Variants in CYREN observed in about 807,000 individuals in gnomAD.
CYREN encodes cell cycle regulator of non-homologous end joining.
A neutral mutation model predicts 9.7 loss-of-function variants in CYREN; 7 were observed. The observed-to-expected ratio is 0.72, with a 90% CI of 0.41 to 1.36. The LOEUF (loss-of-function observed/expected upper bound fraction) is 1.36. CYREN is among the 40% of genes most tolerant of loss of function. The pLI is 0.01. For missense variants in CYREN, 215 were observed against 198.1 expected (o/e 1.09, Z -0.51); for synonymous variants, 76 against 77.9 (o/e 0.98, Z 0.13).
At chr7:135,098,086 GACAA>G (rs1320763049) in intron 2 of CYREN, among the ~76,000 whole-genome samples, 5 of 152,136 alleles carry the variant, frequency 3.3e-5, no homozygotes, top group African/African-American at 9.7e-5. Context: ...GGGCCTAAAT[GACAA>G]ACAGTTAGTC....
chr7:135,120,443 A>C lies in CYREN; in HGVS notation n.357-25861T>G, dbSNP rs1185892373. ...ATGTAGTATAATACAGCAACCACTG[A>C]AAAAGCTGTTCAAAGAGATATACTA... On this transcript the variant is annotated intron_variant and non_coding_transcript_variant, in intron 2 of 2. Transcript: ENST00000459937. 2.6e-5 allele frequency among the ~76,000 whole-genome samples: 4 copies of C among 152,226 alleles called. 1 individual carries two copies. Among genetic ancestry groups the C allele is most frequent in the African/African-American group, 9.6e-5 (4 of 41,454 alleles).
intron 2 of CYREN, among the ~76,000 whole-genome samples, chr7:135,121,204 T>C (rs565477417): frequency 1.3e-5 from 2 of 151,794 alleles, no homozygotes; most frequent in Non-Finnish European, 2.9e-5. Flanking sequence ...AAACTCCGTC[T>C]CAAAAAACAA....
intron 2 of CYREN, among the ~76,000 whole-genome samples, chr7:135,126,088 GAGAGGAAGTC>G (rs149588550): frequency 7.7e-4 from 118 of 152,284 alleles, no homozygotes; most frequent in African/African-American, 2.7e-3. Flanking sequence ...CAAACAGGAA[GAGAGGAAGTC>G]AAATGGTCTC....
chr7:135,171,703 C>CGT (rs1562936413), upstream of CYREN, among the ~76,000 whole-genome samples: 5 of 152,186 alleles, frequency 3.3e-5, no homozygotes, highest in African/African-American at 1.2e-4. Flanking sequence ...TCTACAGCTC[C>CGT]GTGTCTGAGA....
chr7:135,128,445 G>T, intron 2 of CYREN: 6 of 691,840 alleles, frequency 8.7e-6, no homozygotes, highest in Non-Finnish European at 1.6e-5. Flanking sequence ...AAAATTAAAT[G>T]TCAGAAGACC....
chr7:135,108,324 T>G (rs1825075813), intron 2 of CYREN, among the ~76,000 whole-genome samples: 1 of 151,954 alleles, frequency 6.6e-6, no homozygotes, highest in Admixed American at 6.6e-5. Flanking sequence ...GTCTACGTAC[T>G]TAAGTGTTTT....
chr7:135,131,209 A>C (rs1828711977), intron 2 of CYREN, among the ~76,000 whole-genome samples: 1 of 152,198 alleles, frequency 6.6e-6, no homozygotes, highest in Non-Finnish European at 1.5e-5. Flanking sequence ...AACTTAATAC[A>C]GGAACAGAAA....
At chr7:135,135,694 GC>G (rs1193325848) in intron 2 of CYREN, 14 of 153,754 alleles carry the variant, frequency 9.1e-5, no homozygotes, top group Admixed American at 9.0e-4. Context: ...TCATTAGTGT[GC>G]TAGGAACCAT....
At chr7:135,108,376 C>T (rs983158648) in intron 2 of CYREN, among the ~76,000 whole-genome samples, 1 of 152,156 alleles carries the variant, frequency 6.6e-6, no homozygotes, top group Non-Finnish European at 1.5e-5. Flanking sequence ...GTGCTCCTTT[C>T]AAGATCTCTT....
chr7:135,112,863 C>T (rs1430383680), intron 2 of CYREN, among the ~76,000 whole-genome samples: 5 of 152,112 alleles, frequency 3.3e-5, no homozygotes, highest in Admixed American at 1.3e-4. Flanking sequence ...CTGCAACCTC[C>T]GCCTCCTGGG....
At chr7:135,145,657 A>G (rs1379385265) in intron 2 of CYREN, among the ~76,000 whole-genome samples, 1 of 152,216 alleles carries the variant, frequency 6.6e-6, no homozygotes, top group African/African-American at 2.4e-5. Flanking sequence ...TAAAAAAAGC[A>G]ATTATCTTCA....
chr7:135,094,661 G>T, intron 2 of CYREN: 1 of 378,286 alleles, frequency 2.6e-6, no homozygotes. Context: ...CTCTCTTAGG[G>T]TGTTAACTCT....
chr7:135,094,690 G>A (rs1408075751), intron 2 of CYREN: 1 of 359,028 alleles, frequency 2.8e-6, no homozygotes, highest in African/African-American at 2.1e-5. Flanking sequence ...AAAATCAATA[G>A]GTTAGAGACA....
intron 2 of CYREN, among the ~76,000 whole-genome samples, chr7:135,111,654 T>C (rs1825656212): frequency 6.6e-6 from 1 of 152,120 alleles, no homozygotes; most frequent in Admixed American, 6.5e-5. Context: ...TCTGTGACAC[T>C]ACTCTCTCCT....
downstream of CYREN, chr7:135,164,944 T>C (rs867512582): frequency 5.0e-6 from 8 of 1,613,070 alleles, no homozygotes; most frequent in Middle Eastern, 9.9e-4. Context: ...CTTATAGCCA[T>C]GGCTGTGTTC....
intron 2 of CYREN, among the ~76,000 whole-genome samples, chr7:135,153,456 CAA>C (rs55776467): frequency 8.6e-5 from 7 of 81,348 alleles, no homozygotes; most frequent in African/African-American, 2.4e-4. Flanking sequence ...TCCATCTCCA[CAA>C]AAAAAAAAAA....
intron 2 of CYREN, among the ~76,000 whole-genome samples, chr7:135,142,590 A>G (rs1421754766): frequency 6.6e-6 from 1 of 152,166 alleles, no homozygotes; most frequent in Admixed American, 6.6e-5. Context: ...ATCAATAACA[A>G]CAACAAAAAC....
chr7:135,103,289 G>A (rs1824128884), intron 2 of CYREN, among the ~76,000 whole-genome samples: 1 of 152,112 alleles, frequency 6.6e-6, no homozygotes, highest in Non-Finnish European at 1.5e-5. Flanking sequence ...AATTATTGAA[G>A]CTGAGTGATA....
intron 2 of CYREN, chr7:135,101,407 A>G (rs1823810735): frequency 2.9e-6 from 1 of 345,080 alleles, no homozygotes; most frequent in African/African-American, 2.1e-5. Context: ...ATTGATAGCT[A>G]TTTTAGTCCT....
Sources: allele counts gnomAD v4.1 joint callset (sites outside exome capture counted in the v4.1 genomes callset), GRCh38; gene constraint gnomAD v4.1.1; transcripts MANE v1.5; gene names NCBI Gene and HGNC (gene_info 2026-07-23, HGNC 2026-07-21).